The following FMO5 variants were observed in gnomAD, a reference collection of about 807,000 sequenced individuals.
FMO5 encodes the protein flavin containing dimethylaniline monoxygenase 5.
Under a neutral mutation model 43.6 loss-of-function variants are expected in FMO5, and 51 were observed. That is an observed-to-expected ratio of 1.17 (90% CI 0.93 to 1.48). The LOEUF (loss-of-function observed/expected upper bound fraction) is 1.48. FMO5 is among the 40% of genes most tolerant of loss of function. The probability of loss-of-function intolerance (pLI) is 0.00; values close to 1 mark genes in which losing one functional copy is unlikely to be tolerated. For missense variants in FMO5, 644 were observed against 643.0 expected, an observed-to-expected ratio of 1.00 and a Z score of -0.02; for synonymous variants, 187 against 216.5, an observed-to-expected ratio of 0.86 and a Z score of 1.20.
At chr1:147,222,714 A>C (rs1474050981) in intron 2 of FMO5, among the ~76,000 whole-genome samples, 2 of 152,250 alleles carry the variant, frequency 1.3e-5, no homozygotes, top group Non-Finnish European at 1.5e-5. Context: ...GAAGCAGTTT[A>C]CAAAGTGTTA....
At position 147,187,062 on chromosome 1, in the gene FMO5, C is replaced by G; in HGVS notation, c.1440G>C (p.Lys480Asn). The G allele has an allele frequency of 6.2e-7, 1 of 1,614,116 alleles. No individual in the cohort carries two copies. The highest frequency in any genetic ancestry group is 1.3e-5 in the African/African-American group (1 of 75,028). ...GGATAGCTTTTCGAGCCCCATCCCA[C>G]TTTCCAGGGCCCTGTACACGATAGT... ...PIHYRVQGPG[K>N]WDGARKAILT... Residue 480 changes from lysine (K) to asparagine (N), a missense_variant, in exon 9 of 9, where the codon AAG becomes AAC. Physicochemically the swap from Lys to Asn is moderately conservative, Grantham distance 94 (BLOSUM62 0). Transcript: ENST00000254090.
intron 6 of FMO5, chr1:147,204,009 T>A: frequency 8.5e-7 from 1 of 1,170,650 alleles, no homozygotes; most frequent in Non-Finnish European, 1.3e-6. Flanking sequence ...AACATCATAT[T>A]ATATTTGTTT....
intron 7 of FMO5, among the ~76,000 whole-genome samples, chr1:147,198,796 G>A (rs1455485803): frequency 3.4e-5 from 5 of 148,906 alleles, no homozygotes; most frequent in African/African-American, 1.2e-4. Context: ...ACTTGCAGTG[G>A]GCCGAGATAG....
chr1:147,213,493 C>T, intron 3 of FMO5, 23 bp from the exon 4 acceptor site: 1 of 1,572,866 alleles, frequency 6.4e-7, no homozygotes, highest in Non-Finnish European at 8.6e-7. Context: ...GTGATAACCA[C>T]AGGGGACATC....
intron 5 of FMO5, chr1:147,210,612 A>T (rs1553923558): frequency 6.6e-6 from 1 of 152,152 alleles, no homozygotes; most frequent in Non-Finnish European, 1.5e-5. Context: ...TGGCTATATA[A>T]CTTCTGCTGA....
intron 2 of FMO5, among the ~76,000 whole-genome samples, chr1:147,217,450 T>G (rs1361212930): frequency 6.6e-6 from 1 of 152,168 alleles, no homozygotes; most frequent in Non-Finnish European, 1.5e-5. Flanking sequence ...TCCTCCCTTT[T>G]TATTCTAGAA....
chr1:147,216,688 A>C (rs1389259130), intron 2 of FMO5, among the ~76,000 whole-genome samples: 2 of 152,214 alleles, frequency 1.3e-5, no homozygotes, highest in Non-Finnish European at 2.9e-5. Flanking sequence ...CTGAAATTTG[A>C]GAACCACTGC....
intron 6 of FMO5, among the ~76,000 whole-genome samples, chr1:147,202,436 C>T (rs1659190265): frequency 6.6e-6 from 1 of 150,904 alleles, no homozygotes; most frequent in South Asian, 2.1e-4. Flanking sequence ...TCTGCTGTCT[C>T]AGCCTCCCGA....
intron 6 of FMO5, chr1:147,208,544 A>T: frequency 4.5e-6 from 1 of 221,260 alleles, no homozygotes; most frequent in Non-Finnish European, 9.0e-6. Flanking sequence ...GGCTCAGGTG[A>T]TTCTCCTGCC....
In FMO5 at chr1:147,209,058, C is replaced by T; in HGVS notation, c.631-7G>A. ...TCCTGGTGCTGAGGAAAACCTGGGG[C>T]ATGGAAGAAATTGTTTGCTTTTGTC... On this transcript the variant is annotated splice_region_variant and splice_polypyrimidine_tract_variant and intron_variant, in intron 5 of 8. Coordinates refer to ENST00000254090, the MANE Select transcript of FMO5 (RefSeq NM_001461.4). 1.2e-6 allele frequency: 2 copies of T among 1,610,950 alleles called. No homozygotes were observed. Among genetic ancestry groups the T allele is most frequent in the Non-Finnish European group, 1.7e-6 (2 of 1,178,038 alleles).
intron 6 of FMO5, among the ~76,000 whole-genome samples, chr1:147,205,677 A>G (rs1276875388): frequency 2.0e-5 from 3 of 152,228 alleles, no homozygotes; most frequent in East Asian, 1.9e-4. Flanking sequence ...AGGATTCCCT[A>G]TTTAACAAAT....
At chr1:147,200,570 TG>T (rs1411525531) in intron 7 of FMO5, among the ~76,000 whole-genome samples, 2 of 137,452 alleles carry the variant, frequency 1.5e-5, no homozygotes, top group Non-Finnish European at 3.1e-5. Flanking sequence ...ATCATTCTAC[TG>T]ACTCATATGA....
chr1:147,203,865 C>A, intron 6 of FMO5: 1 of 1,581,250 alleles, frequency 6.3e-7, no homozygotes, highest in Non-Finnish European at 8.7e-7. Flanking sequence ...ACCTGAGTAT[C>A]TCCAACTTCT....
intron 3 of FMO5, 107 bp downstream of exon 3, chr1:147,215,647 G>T: frequency 1.3e-6 from 1 of 776,846 alleles, no homozygotes; most frequent in Non-Finnish European, 2.1e-6. Context: ...ATAAATACAT[G>T]TGCAAATCAA....
chr1:147,205,614 T>C (rs918530144), intron 6 of FMO5, among the ~76,000 whole-genome samples: 30 of 152,116 alleles, frequency 2.0e-4, no homozygotes, highest in African/African-American at 7.2e-4. Flanking sequence ...TAATACCACA[T>C]ATCTACAACT....
intron 7 of FMO5, among the ~76,000 whole-genome samples, chr1:147,190,926 A>G (rs1403009422): frequency 6.6e-6 from 1 of 151,898 alleles, no homozygotes; most frequent in African/African-American, 2.4e-5. Flanking sequence ...GAGTGAGAAC[A>G]TGCGGTGTTT....
chr1:147,216,343 A>G (rs894471), intron 2 of FMO5, among the ~76,000 whole-genome samples: 14,075 of 152,244 alleles, frequency 0.092, 732 homozygotes, highest in African/African-American at 0.15. Context: ...CCAGTCCCCA[A>G]AAATTCTACC....
chr1:147,208,639 G>A (rs977986193), intron 6 of FMO5: 58 of 421,270 alleles, frequency 1.4e-4, no homozygotes, highest in Admixed American at 3.9e-4. Flanking sequence ...GGGTTTCACC[G>A]TGTTGGCCAG....
intron 8 of FMO5, among the ~76,000 whole-genome samples, chr1:147,189,743 C>G (rs1419918825): frequency 6.6e-6 from 1 of 152,148 alleles, no homozygotes; most frequent in Non-Finnish European, 1.5e-5. Context: ...GTCACATGAG[C>G]ATTGCCAGCA....
Sources: allele counts gnomAD v4.1 joint callset (sites outside exome capture counted in the v4.1 genomes callset), GRCh38; gene constraint gnomAD v4.1.1; transcripts MANE v1.5; gene names NCBI Gene and HGNC (gene_info 2026-07-23, HGNC 2026-07-21).